Variants in POFUT3 observed in about 807,000 individuals in gnomAD.
POFUT3 encodes the protein protein O-fucosyltransferase 3.
chr8:33,467,272 C>CAAAAAAAAAAA, the POFUT3 span, among the ~76,000 whole-genome samples: 1 of 73,452 alleles, frequency 1.4e-5, no homozygotes, highest in Non-Finnish European at 2.4e-5. Flanking sequence ...GACTCTGTCT[C>CAAAAAAAAAAA]AAAAAAAAAA....
the POFUT3 span, among the ~76,000 whole-genome samples, chr8:33,362,836 C>A: frequency 2.4e-3 from 364 of 151,994 alleles, 4 homozygotes; most frequent in East Asian, 0.038. Flanking sequence ...AGTGTAACAC[C>A]CCACTCTCAA....
At chr8:33,391,283 G>A in the POFUT3 span, among the ~76,000 whole-genome samples, 2 of 152,230 alleles carry the variant, frequency 1.3e-5, no homozygotes, top group Admixed American at 1.3e-4. Context: ...TTATGTCACA[G>A]GACATATACT....
chr8:33,411,449 A>C, the POFUT3 span, among the ~76,000 whole-genome samples: 2 of 152,238 alleles, frequency 1.3e-5, no homozygotes, highest in Non-Finnish European at 2.9e-5. Context: ...TTAGTTCCTA[A>C]GAAAATAGAT....
the POFUT3 span, among the ~76,000 whole-genome samples, chr8:33,451,488 A>G: frequency 2.1e-4 from 32 of 152,164 alleles, no homozygotes; most frequent in South Asian, 4.1e-3. Context: ...ATATGCATAT[A>G]TGCATATATG....
chr8:33,441,633 G>A, the POFUT3 span, among the ~76,000 whole-genome samples: 2 of 151,698 alleles, frequency 1.3e-5, no homozygotes, highest in African/African-American at 2.4e-5. Flanking sequence ...TGCCCTCCTC[G>A]GCCTCCCAAA....
At chr8:33,335,241 C>T in the POFUT3 span, among the ~76,000 whole-genome samples, 1 of 150,966 alleles carries the variant, frequency 6.6e-6, no homozygotes, top group African/African-American at 2.4e-5. Flanking sequence ...AAATGTACAA[C>T]ATATTTTATT....
At chr8:33,310,446 T>C in the POFUT3 span, among the ~76,000 whole-genome samples, 6 of 152,146 alleles carry the variant, frequency 3.9e-5, no homozygotes, top group Non-Finnish European at 8.8e-5. Flanking sequence ...GCTCAGTGAC[T>C]CATACCTATA....
At chr8:33,352,480 AAC>A in the POFUT3 span, among the ~76,000 whole-genome samples, 1 of 151,862 alleles carries the variant, frequency 6.6e-6, no homozygotes, top group Non-Finnish European at 1.5e-5. Context: ...GAAGTTATTT[AAC>A]AATGTATCAA....
At chr8:33,380,076 C>T in the POFUT3 span, among the ~76,000 whole-genome samples, 12 of 52,396 alleles carry the variant, frequency 2.3e-4, 1 homozygote, top group African/African-American at 1.3e-3. Context: ...TATATATATA[C>T]ACTATATATA....
chr8:33,417,761 T>C, the POFUT3 span, among the ~76,000 whole-genome samples: 1 of 151,486 alleles, frequency 6.6e-6, no homozygotes. Context: ...ACACTTCAAA[T>C]AGATCATCTA....
At chr8:33,436,858 G>A in the POFUT3 span, among the ~76,000 whole-genome samples, 5 of 152,054 alleles carry the variant, frequency 3.3e-5, no homozygotes, top group African/African-American at 4.8e-5. Context: ...GAATGATCTC[G>A]TTATCCAGGT....
the POFUT3 span, among the ~76,000 whole-genome samples, chr8:33,463,331 C>G: frequency 1.3e-5 from 2 of 151,906 alleles, no homozygotes; most frequent in Admixed American, 1.3e-4. Flanking sequence ...ATGGTGAAAC[C>G]CCGTCTCTAC....
the POFUT3 span, among the ~76,000 whole-genome samples, chr8:33,430,427 G>A: frequency 1.9e-4 from 29 of 152,012 alleles, no homozygotes; most frequent in Admixed American, 1.9e-3. Context: ...ATTTGACTAG[G>A]AAGGCTGCAA....
chr8:33,380,004 CTA>C, the POFUT3 span, among the ~76,000 whole-genome samples: 50 of 73,268 alleles, frequency 6.8e-4, 6 homozygotes, highest in African/African-American at 2.3e-3. Flanking sequence ...TATATATATA[CTA>C]TATATATAGT....
chr8:33,418,993 C>T, the POFUT3 span, among the ~76,000 whole-genome samples: 111 of 152,128 alleles, frequency 7.3e-4, 1 homozygote, highest in Admixed American at 2.1e-3. Flanking sequence ...AAATATTACA[C>T]GTTCTCACTT....
At chr8:33,317,025 C>T in the POFUT3 span, among the ~76,000 whole-genome samples, 1 of 152,036 alleles carries the variant, frequency 6.6e-6, no homozygotes, top group African/African-American at 2.4e-5. Flanking sequence ...TCTTAAGGGC[C>T]TGCTGGGCCC....
At chr8:33,361,753 G>C in the POFUT3 span, among the ~76,000 whole-genome samples, 9 of 152,186 alleles carry the variant, frequency 5.9e-5, no homozygotes, top group South Asian at 1.9e-3. Flanking sequence ...TCTGAGTAAT[G>C]CAAAATAATC....
chr8:33,361,134 G>A, the POFUT3 span: 2 of 152,082 alleles, frequency 1.3e-5, no homozygotes, highest in Admixed American at 1.3e-4. Flanking sequence ...CTTTTCTGAG[G>A]CACTGAGGCT....
chr8:33,372,693 T>C, the POFUT3 span: 23 of 1,614,062 alleles, frequency 1.4e-5, no homozygotes, highest in South Asian at 2.4e-4. Context: ...GAAATCCACA[T>C]CTCTCGCAAA....
Sources: allele counts gnomAD v4.1 joint callset (sites outside exome capture counted in the v4.1 genomes callset), GRCh38; gene constraint gnomAD v4.1.1; transcripts MANE v1.5; gene names NCBI Gene and HGNC (gene_info 2026-07-23, HGNC 2026-07-21).